SLC6A4: variants seen among roughly 807,000 people sequenced by gnomAD.
SLC6A4 encodes the protein solute carrier family 6 member 4, also known as sodium-dependent serotonin transporter.
SLC6A4 carries 22 observed loss-of-function variants against 73.4 expected under a neutral mutation model. The observed-to-expected ratio is 0.30, with a 90% CI of 0.21 to 0.43. SLC6A4 has a LOEUF of 0.43. Ranked by LOEUF, SLC6A4 falls within the 20% of genes least tolerant of loss-of-function variation. The pLI is 1.00. For missense variants in SLC6A4, 593 were observed against 808.5 expected (o/e 0.73, Z 3.23); for synonymous variants, 270 against 315.5 (o/e 0.86, Z 1.53).
At chr17:30,200,264 C>A (rs540314451) in intron 14 of SLC6A4, among the ~76,000 whole-genome samples, 20 of 152,240 alleles carry the variant, frequency 1.3e-4, no homozygotes, top group Non-Finnish European at 1.9e-4. Context: ...GTTTTCCGTG[C>A]TTTGCCAGCA....
At chr17:30,202,475 C>T (rs1431984869) in intron 14 of SLC6A4, among the ~76,000 whole-genome samples, 1 of 152,166 alleles carries the variant, frequency 6.6e-6, no homozygotes, top group Non-Finnish European at 1.5e-5. Context: ...GTGTCCTTGT[C>T]TGGTAATAAT....
At chr17:30,213,274 A>G (rs968171964) in intron 8 of SLC6A4, among the ~76,000 whole-genome samples, 2 of 151,022 alleles carry the variant, frequency 1.3e-5, no homozygotes, top group Admixed American at 1.3e-4. Context: ...ACAGACTGCC[A>G]GCCAGAGAGA....
At chr17:30,215,911 C>A (rs1365536511) in intron 7 of SLC6A4, among the ~76,000 whole-genome samples, 171 bp downstream of exon 7, 1 of 152,206 alleles carries the variant, frequency 6.6e-6, no homozygotes, top group Admixed American at 6.5e-5. Context: ...GGCATAAACC[C>A]ATCCAGTGGC....
Position 30,217,299 on chromosome 17 carries a change from T to A in SLC6A4, c.704A>T (p.His235Leu), listed in dbSNP as rs200548683. The change falls in exon 6 of 15, where the codon CAC (histidine) becomes CTC (leucine). Residue 235 changes from histidine to leucine, a missense_variant. Coordinates refer to ENST00000650711, the MANE Select transcript of SLC6A4 (RefSeq NM_001045.6). ...CTTAGACCGGTGGATCTGCAGGACG[T>A]GGCGCCTGGGGTGAAGGAGAAAGAA... ...TSPAEEFYTR[H>L]VLQIHRSKGL... 19 of 1,613,642 alleles carry A rather than the reference T, an allele frequency of 1.2e-5. No individual in the cohort carries two copies. The highest frequency in any genetic ancestry group is 1.6e-5 in the Non-Finnish European group (19 of 1,179,874).
chr17:30,198,084 G>C lies in SLC6A4; in HGVS notation c.*372C>G. 1 of 203,982 alleles carries C rather than the reference G, an allele frequency of 4.9e-6. No homozygotes were observed. The highest frequency in any genetic ancestry group is 2.3e-5 in the African/African-American group (1 of 43,538). 12.6% of individuals were successfully genotyped at this position (203,982 alleles called of 1,614,324 possible). Reference sequence around the variant, plus strand: ...GTATTCATGAACAGTGAAACCTTTAGAAGCAAACAGATATCAGATACCAAT... The same window carrying C: ...GTATTCATGAACAGTGAAACCTTTACAAGCAAACAGATATCAGATACCAAT... On this transcript the variant is annotated 3_prime_UTR_variant, in exon 15 of 15. Coordinates refer to ENST00000650711, the MANE Select transcript of SLC6A4 (RefSeq NM_001045.6).
chr17:30,225,352 G>GCA lies in SLC6A4; in HGVS notation c.-220-2438_-220-2437insTG, dbSNP rs1906896195. 3.3e-5 allele frequency among the ~76,000 whole-genome samples: 5 copies of GCA among 152,074 alleles called. No homozygotes were observed. In the South Asian group the frequency reaches 1.0e-3, roughly 32 times the overall value. On this transcript the variant is annotated intron_variant, in intron 1 of 14. Transcript: ENST00000650711. The stretch of plus-strand genomic sequence containing the variant: ...TTCTGCCTGCAAGCTCCTGCCTGTG[G>GCA]AGCCCCAGACTCTCTTCCTATTTTT...
Position 30,203,331 on chromosome 17 carries a change from A to G in SLC6A4, c.1659T>C (p.Ile553=). ...GTGGCGGGCTCATCAGAAAACTGCA[A>G]ATGATGAACTAAAACAGAAATTCCA... The part of the protein sequence containing the change: ...AISPLFLLFI[I]CSFLMSPPQL... The change falls in exon 14 of 15, where the codon ATT becomes ATC. Residue 553 remains isoleucine (I), a synonymous_variant. Coordinates refer to ENST00000650711, the MANE Select transcript of SLC6A4 (RefSeq NM_001045.6). The G allele has an allele frequency of 6.2e-7, 1 of 1,613,196 alleles. No individual in the cohort carries two copies.
rs529459527 is a variant in SLC6A4, at chr17:30,219,003, G to A, written c.344-72C>T. ...AGGATAGCCCAACCAATCTGTGACT[G>A]AGAATCACAGTCGCCGGATGATGTG... On this transcript the variant is annotated intron_variant, in intron 3 of 14. Coordinates refer to ENST00000650711, the MANE Select transcript of SLC6A4 (RefSeq NM_001045.6). The A allele has an allele frequency of 8.0e-5, 126 of 1,573,640 alleles. 2 individuals carry two copies. The South Asian group carries it at 1.3e-3, about 17-fold the overall frequency.
chr17:30,233,879 C>T (rs1464004488), intron 1 of SLC6A4, among the ~76,000 whole-genome samples: 1 of 152,172 alleles, frequency 6.6e-6, no homozygotes, highest in Non-Finnish European at 1.5e-5. Flanking sequence ...CATTCCACAA[C>T]TAGGAAGGAG....
At chr17:30,204,995 G>A (rs2054847) in intron 13 of SLC6A4, among the ~76,000 whole-genome samples, 54,515 of 151,988 alleles carry the variant, frequency 0.36, 12,162 homozygotes, top group East Asian at 0.82. Flanking sequence ...CCTCAGGCAC[G>A]ACATTTCAGC....
chr17:30,230,239 C>T (rs1333573552), intron 1 of SLC6A4, among the ~76,000 whole-genome samples: 2 of 152,084 alleles, frequency 1.3e-5, no homozygotes, highest in African/African-American at 2.4e-5. Context: ...GAAAACAAAA[C>T]TGCTTTTACT....
Position 30,195,008 on chromosome 17 carries a change from C to A in SLC6A4, c.*3448G>T, listed in dbSNP as rs62068662. Reference sequence around the variant, plus strand: ...AAAAATACTTGCATTGGTGGTAGAGCAGCTTGGCATAGATTCTGTGAGGTG... The same window carrying A: ...AAAAATACTTGCATTGGTGGTAGAGAAGCTTGGCATAGATTCTGTGAGGTG... On this transcript the variant is annotated 3_prime_UTR_variant, in exon 15 of 15. Coordinates refer to ENST00000650711, the MANE Select transcript of SLC6A4 (RefSeq NM_001045.6). 31 of 152,168 alleles carry A rather than the reference C, an allele frequency of 2.0e-4. No individual in the cohort carries two copies. The highest frequency in any genetic ancestry group is 7.0e-4 in the African/African-American group (29 of 41,428). The allele number at this position is 152,168 out of a possible 1,614,324, so 9.4% of individuals were successfully genotyped here. A position where few individuals can be genotyped will look rare whatever the true frequency, so the allele number is the denominator to read the frequency against.
chr17:30,220,550 T>C (rs55828316), intron 3 of SLC6A4, among the ~76,000 whole-genome samples: 54 of 152,320 alleles, frequency 3.5e-4, no homozygotes, highest in African/African-American at 1.3e-3. Context: ...GAGGTTGGTA[T>C]TAATGTCATG....
intron 1 of SLC6A4, among the ~76,000 whole-genome samples, chr17:30,230,122 A>AGAGGAAGAGGAG (rs1907062618): frequency 8.9e-5 from 11 of 123,666 alleles, no homozygotes; most frequent in African/African-American, 3.4e-4. Context: ...AGGAAGAGGA[A>AGAGGAAGAGGAG]GAGGAGGAGG....
At chr17:30,212,710 A>G in intron 9 of SLC6A4, 30 bp downstream of exon 9, 1 of 1,610,328 alleles carries the variant, frequency 6.2e-7, no homozygotes, top group Non-Finnish European at 8.5e-7. Flanking sequence ...CAGTAGGAGC[A>G]AGGGACCTGC....
At position 30,223,890 on chromosome 17, in the gene SLC6A4, T is replaced by C. The variant is rs148649736; in HGVS notation, c.-220-975A>G. Among the ~76,000 whole-genome samples, 192 of 152,250 alleles carry C rather than the reference T, an allele frequency of 1.3e-3. 3 individuals carry two copies. Among genetic ancestry groups the C allele is most frequent in the African/African-American group, 4.4e-3 (184 of 41,546 alleles). The stretch of plus-strand genomic sequence containing the variant: ...TCCTTCGGCCCTCAACTAGGCTTGA[T>C]AGGCTTTTAAAATAACCACACATCC... On this transcript the variant is annotated intron_variant, in intron 1 of 14. Transcript: ENST00000650711.
intron 13 of SLC6A4, among the ~76,000 whole-genome samples, chr17:30,207,203 G>A (rs1906235155): frequency 6.6e-6 from 1 of 152,116 alleles, no homozygotes; most frequent in African/African-American, 2.4e-5. Context: ...GAGTCAGAAG[G>A]GTGGGGAACC....
intron 14 of SLC6A4, among the ~76,000 whole-genome samples, chr17:30,202,300 A>G (rs1468165757): frequency 6.6e-6 from 1 of 152,062 alleles, no homozygotes; most frequent in Non-Finnish European, 1.5e-5. Flanking sequence ...AATTTTTGTA[A>G]TTTTAGTAGA....
chr17:30,208,438 T>C (rs1906275604), intron 12 of SLC6A4, among the ~76,000 whole-genome samples: 1 of 148,122 alleles, frequency 6.8e-6, no homozygotes, highest in Non-Finnish European at 1.5e-5. Context: ...CAAAGAAGAG[T>C]GAGAAATTGA....
Sources: allele counts gnomAD v4.1 joint callset (sites outside exome capture counted in the v4.1 genomes callset), GRCh38; gene constraint gnomAD v4.1.1; transcripts MANE v1.5; gene names NCBI Gene and HGNC (gene_info 2026-07-23, HGNC 2026-07-21).